The following GLIS3 variants were observed in gnomAD, a reference collection of about 807,000 sequenced individuals.
The protein encoded by GLIS3 is zinc finger protein GLIS3.
GLIS3 carries 53 observed loss-of-function variants against 78.6 expected under a neutral mutation model. The observed-to-expected ratio is 0.67, with a 90% CI of 0.54 to 0.85. The LOEUF (loss-of-function observed/expected upper bound fraction) is 0.85. GLIS3 is among the 40% of genes least tolerant of loss of function. The pLI is 0.00. For missense variants in GLIS3, 1,703 were observed against 1,231.1 expected, an observed-to-expected ratio of 1.38 and a Z score of -5.74; for synonymous variants, 684 against 509.9, an observed-to-expected ratio of 1.34 and a Z score of -4.60.
intron 4 of GLIS3, among the ~76,000 whole-genome samples, chr9:4,026,595 A>T (rs1221437171): frequency 6.6e-6 from 1 of 152,218 alleles, no homozygotes; most frequent in Non-Finnish European, 1.5e-5. Context: ...CTGCATACAT[A>T]ATGCAGTTCA....
intron 2 of GLIS3, among the ~76,000 whole-genome samples, chr9:4,256,403 C>A (rs1824943418): frequency 6.6e-6 from 1 of 152,104 alleles, no homozygotes; most frequent in Admixed American, 6.6e-5. Context: ...TAGTAACAAT[C>A]AATGAAATCC....
chr9:4,161,752 C>T (rs1318012694), intron 2 of GLIS3, among the ~76,000 whole-genome samples: 1 of 145,234 alleles, frequency 6.9e-6, no homozygotes, highest in Non-Finnish European at 1.5e-5. Flanking sequence ...ATTCTCGGCT[C>T]ACTGTAGCCT....
chr9:4,079,806 C>A (rs533855675), intron 4 of GLIS3, among the ~76,000 whole-genome samples: 2 of 148,744 alleles, frequency 1.3e-5, no homozygotes, highest in South Asian at 4.3e-4. Flanking sequence ...TCATTCAAAG[C>A]ACCCAACACC....
At chr9:4,061,433 T>A (rs1393186580) in intron 4 of GLIS3, among the ~76,000 whole-genome samples, 1 of 152,160 alleles carries the variant, frequency 6.6e-6, no homozygotes, top group East Asian at 1.9e-4. Flanking sequence ...ATGGTGTATA[T>A]GTGCCACATT....
chr9:4,140,649 A>T (rs1833739988), intron 2 of GLIS3, among the ~76,000 whole-genome samples: 1 of 152,162 alleles, frequency 6.6e-6, no homozygotes, highest in African/African-American at 2.4e-5. Flanking sequence ...TTCCTCCTCT[A>T]GACTGTAATT....
chr9:4,406,391 G>A, the GLIS3 span, among the ~76,000 whole-genome samples: 11 of 152,168 alleles, frequency 7.2e-5, no homozygotes, highest in African/African-American at 2.4e-4. Flanking sequence ...TGCGATCTTG[G>A]CTTACTGCAA....
chr9:4,293,429 C>T (rs998370030), intron 1 of GLIS3, among the ~76,000 whole-genome samples: 5 of 152,316 alleles, frequency 3.3e-5, no homozygotes, highest in African/African-American at 1.2e-4. Flanking sequence ...TGTTCACTGA[C>T]ATCACTGCGG....
intron 4 of GLIS3, among the ~76,000 whole-genome samples, chr9:4,039,122 C>G (rs1239168419): frequency 3.3e-5 from 5 of 152,168 alleles, no homozygotes; most frequent in Admixed American, 2.6e-4. Flanking sequence ...TTTGGGAACA[C>G]TTTAAGGACT....
chr9:4,207,477 G>A (rs1180726870), intron 2 of GLIS3, among the ~76,000 whole-genome samples: 1 of 152,160 alleles, frequency 6.6e-6, no homozygotes, highest in South Asian at 2.1e-4. Context: ...TGCTTATGGA[G>A]CAATTTAGAG....
At chr9:4,470,173 G>C in the GLIS3 span, among the ~76,000 whole-genome samples, 2 of 152,066 alleles carry the variant, frequency 1.3e-5, no homozygotes, top group African/African-American at 4.8e-5. Context: ...TCTACCAGAG[G>C]TACAAAGAGG....
At chr9:4,143,730 C>T (rs917150336) in intron 2 of GLIS3, among the ~76,000 whole-genome samples, 2 of 152,174 alleles carry the variant, frequency 1.3e-5, no homozygotes, top group African/African-American at 4.8e-5. Context: ...CTCCCATTTT[C>T]CCCACCTCCC....
intron 4 of GLIS3, among the ~76,000 whole-genome samples, chr9:4,069,577 C>T (rs1300574154): frequency 6.6e-6 from 1 of 152,136 alleles, no homozygotes. Flanking sequence ...CAAATACTAG[C>T]TTGTTGTTTT....
At chr9:4,381,920 C>G in the GLIS3 span, among the ~76,000 whole-genome samples, 1 of 152,176 alleles carries the variant, frequency 6.6e-6, no homozygotes, top group African/African-American at 2.4e-5. Context: ...TAATTGGTCC[C>G]GGCTGTGGCT....
At chr9:4,089,502 T>A (rs918372111) in intron 4 of GLIS3, among the ~76,000 whole-genome samples, 1 of 152,188 alleles carries the variant, frequency 6.6e-6, no homozygotes, top group Non-Finnish European at 1.5e-5. Flanking sequence ...TGAGGAATTA[T>A]TAATGAAGAA....
At chr9:4,196,250 A>G (rs2131243138) in intron 2 of GLIS3, among the ~76,000 whole-genome samples, 1 of 152,340 alleles carries the variant, frequency 6.6e-6, no homozygotes, top group African/African-American at 2.4e-5. Flanking sequence ...AAACACACCA[A>G]TCAGCACCCT....
intron 2 of GLIS3, among the ~76,000 whole-genome samples, chr9:4,208,586 T>G (rs942759359): frequency 6.6e-6 from 1 of 152,174 alleles, no homozygotes; most frequent in African/African-American, 2.4e-5. Flanking sequence ...GGAGAGGGGA[T>G]TTTACAATTT....
chr9:4,125,677 C>A, intron 3 of GLIS3, 57 bp downstream of exon 3: 1 of 1,191,600 alleles, frequency 8.4e-7, no homozygotes, highest in Non-Finnish European at 1.2e-6. Flanking sequence ...GAACGGAAAA[C>A]ACTTGTGGGG....
At chr9:4,441,543 G>A in the GLIS3 span, among the ~76,000 whole-genome samples, 1 of 152,158 alleles carries the variant, frequency 6.6e-6, no homozygotes, top group African/African-American at 2.4e-5. Context: ...AATTTGATTT[G>A]CTAGTGTTTT....
At chr9:3,840,311 A>G (rs1818634738) in intron 9 of GLIS3, among the ~76,000 whole-genome samples, 1 of 152,182 alleles carries the variant, frequency 6.6e-6, no homozygotes, top group Non-Finnish European at 1.5e-5. Context: ...TGAAATTGCC[A>G]CAATTTGGTT....
Sources: allele counts gnomAD v4.1 joint callset (sites outside exome capture counted in the v4.1 genomes callset), GRCh38; gene constraint gnomAD v4.1.1; transcripts MANE v1.5; gene names NCBI Gene and HGNC (gene_info 2026-07-23, HGNC 2026-07-21).